RPL4: variants seen among roughly 807,000 people sequenced by gnomAD.
RPL4 encodes the protein ribosomal protein L4.
In RPL4, 3 loss-of-function variants were observed where a neutral mutation model predicts 47.7. The ratio of observed to expected loss-of-function variants is 0.06; its 90% CI spans 0.03 to 0.16. The LOEUF is 0.16. Among genes scored for constraint, RPL4 ranks in the 10% least tolerant of loss-of-function variants. The pLI is 1.00. For synonymous variants in RPL4, 208 were observed against 182.1 expected (o/e 1.14, Z -1.15); for missense variants, 413 against 551.3 (o/e 0.75, Z 2.51).
At chr15:66,504,372 A>G (rs955310685) in intron 1 of RPL4, among the ~76,000 whole-genome samples, 1 of 152,194 alleles carries the variant, frequency 6.6e-6, no homozygotes, top group Non-Finnish European at 1.5e-5. Context: ...CACATATAAC[A>G]CTGGTCTTAT....
At chr15:66,500,424 G>T in intron 7 of RPL4, 48 bp from the exon 8 acceptor site, 1 of 1,500,160 alleles carries the variant, frequency 6.7e-7, no homozygotes, top group South Asian at 1.1e-5. Flanking sequence ...ATCAACCAAA[G>T]AACAGGAAGC....
At chr15:66,503,637 T>G (rs1365077011) in intron 1 of RPL4, 108 bp from the exon 2 acceptor site, 6 of 1,264,422 alleles carry the variant, frequency 4.7e-6, no homozygotes, top group Non-Finnish European at 6.4e-6. Context: ...GAGACTGGTA[T>G]GGTGAGGCAA....
chr15:66,501,744 G>A (rs920148615), intron 5 of RPL4, 44 bp downstream of exon 5: 2 of 1,598,580 alleles, frequency 1.3e-6, no homozygotes, highest in South Asian at 1.1e-5. Context: ...GTGACAAACT[G>A]TGAACAAGGA....
rs1206081227 is a variant in RPL4, at chr15:66,499,788, C to T, written c.1039-136G>A. 7.3e-6 allele frequency: 9 copies of T among 1,238,338 alleles called. No individual in the cohort carries two copies. The East Asian group carries it at 2.2e-4, about 31-fold the overall frequency. The allele number at this position is 1,238,338 out of a possible 1,614,324, so 76.7% of individuals were successfully genotyped here. On this transcript the variant is annotated intron_variant, in intron 9 of 9. Transcript: ENST00000307961. ...CCTGTAATCCCAGCACTTTGGGAGG[C>T]CGAGGCAGGTGAATCACCTGAGGTC...
chr15:66,501,702 A>C (rs1206023902), intron 5 of RPL4, 86 bp downstream of exon 5: 3 of 1,562,834 alleles, frequency 1.9e-6, no homozygotes, highest in Non-Finnish European at 2.6e-6. Context: ...ATTAAGGATT[A>C]GCTATACTGC....
chr15:66,501,694 T>C, intron 5 of RPL4, 94 bp downstream of exon 5: 2 of 1,550,522 alleles, frequency 1.3e-6, no homozygotes, highest in East Asian at 4.5e-5. Context: ...TCTCACACAT[T>C]AAGGATTAGC....
At position 66,502,713 on chromosome 15, in the gene RPL4, G is replaced by T. The variant is rs1233560886; in HGVS notation, c.320C>A (p.Thr107Asn). The T allele has an allele frequency of 1.9e-6, 3 of 1,613,936 alleles. No individual in the cohort carries two copies. The highest frequency in any genetic ancestry group is 2.5e-6 in the Non-Finnish European group (3 of 1,179,976). Residue 107 changes from threonine (T) to asparagine (N), a missense_variant, in exon 4 of 10, where the codon ACC (threonine) becomes AAC (asparagine). Around this residue, in one of 4 missense-constraint regions of RPL4, gnomAD observed 214 missense variants for 304.2 expected, o/e 0.70. Transcript: ENST00000307961. ...CACTCTACGATGCCAACGGCGCCAG[G>T]TTTTGGTTGGTGCAAACATTCGGCC... Reference protein sequence around the residue: ...RGGRMFAPTKTWRRWHRRVNT... With the variant: ...RGGRMFAPTKNWRRWHRRVNT...
rs1567034037 is a variant in RPL4, at chr15:66,500,196, G to GT, written c.918-21dup. 3 of 1,613,776 alleles carry GT rather than the reference G, an allele frequency of 1.9e-6. No homozygotes were observed. Among genetic ancestry groups the GT allele is most frequent in the South Asian group, 1.1e-5 (1 of 91,018 alleles). ...TTCTTGCTATAAAAAAGCAGATACT[G>GT]TATCAACATTTTACTTAACATTATA... is the stretch of plus-strand genomic sequence containing the variant. On this transcript the variant is annotated intron_variant, in intron 8 of 9. Coordinates refer to ENST00000307961, the MANE Select transcript of RPL4 (RefSeq NM_000968.4).
Position 66,499,110 on chromosome 15 carries a change from G to A in RPL4, c.*297C>T. The A allele has an allele frequency of 3.5e-6, 1 of 284,598 alleles. No individual in the cohort carries two copies. The highest frequency in any genetic ancestry group is 8.0e-5 in the East Asian group (1 of 12,490). The allele number at this position is 284,598 out of a possible 1,614,324, so 17.6% of individuals were successfully genotyped here. A position where few individuals can be genotyped will look rare whatever the true frequency, so the allele number is the denominator to read the frequency against. On this transcript the variant is annotated 3_prime_UTR_variant, in exon 10 of 10. Coordinates refer to ENST00000307961, the MANE Select transcript of RPL4 (RefSeq NM_000968.4). ...GAACAGCCTCTGCGTTTCTGACCAA[G>A]TCCTGTTACACCTATTTTTCAAGCC...
At chr15:66,502,953 C>CA (rs759103415) in intron 3 of RPL4, 105 bp downstream of exon 3, 61 of 1,337,224 alleles carry the variant, frequency 4.6e-5, no homozygotes, top group Admixed American at 9.0e-5. Context: ...CTCTTCAAGA[C>CA]AAAAAAAAGT....
In RPL4 at chr15:66,499,262, A is replaced by G; in HGVS notation, c.*145T>C. 1 of 1,006,596 alleles carries G rather than the reference A, an allele frequency of 9.9e-7. No homozygotes were observed. The allele number at this position is 1,006,596 out of a possible 1,614,324, so 62.4% of individuals were successfully genotyped here. ...AAATGTAACAGTCTAAATTATGGCC[A>G]ACAAAATGTCACTTTAAAAAAATTC... On this transcript the variant is annotated 3_prime_UTR_variant, in exon 10 of 10. Transcript: ENST00000307961.
chr15:66,503,476 G>C lies in RPL4; in HGVS notation c.57C>G (p.Gly19=). The change falls in exon 2 of 10, where the codon GGC becomes GGG. Residue 19 remains glycine (G), a synonymous_variant. Coordinates refer to ENST00000307961, the MANE Select transcript of RPL4 (RefSeq NM_000968.4). ...ATACAGCAGGCAAAGTGACATTTTT[G>C]CCAGATGACTCCCCCTTTTCGGAGT... is the stretch of plus-strand genomic sequence containing the variant. ...SVYSEKGESS[G]KNVTLPAVFK... 1.9e-6 allele frequency: 3 copies of C among 1,611,264 alleles called. No homozygotes were observed. Among genetic ancestry groups the C allele is most frequent in the Non-Finnish European group, 2.5e-6 (3 of 1,177,682 alleles).
rs561348692 is a variant in RPL4 at position 66,500,159 on chromosome 15, C to T, written c.935G>A (p.Arg312Lys). The stretch of plus-strand genomic sequence containing the variant: ...TTTCAGTGGGTTCTTCTTTAGGACT[C>T]TGCGATGGATCTTCTTGCTATAAAA... ...LRAPRKKIHR[R>K]VLKKNPLKNL... is the part of the protein sequence containing the mutation. The change falls in exon 9 of 10, where the codon AGA (arginine) becomes AAA (lysine). Residue 312 changes from arginine (R) to lysine (K), a missense_variant. Physicochemically the swap from Arg to Lys is conservative, Grantham distance 26 (BLOSUM62 2). Coordinates refer to ENST00000307961, the MANE Select transcript of RPL4 (RefSeq NM_000968.4). 5 of 1,613,824 alleles carry T rather than the reference C, an allele frequency of 3.1e-6. No homozygotes were observed. The South Asian group carries it at 5.5e-5, about 18-fold the overall frequency.
At chr15:66,501,333 T>C (rs755353155) in intron 6 of RPL4, 42 bp downstream of exon 6, 1 of 1,613,406 alleles carries the variant, frequency 6.2e-7, no homozygotes. Flanking sequence ...TGAGTAGACT[T>C]GCAGAGTATA....
chr15:66,500,006 G>A (rs1334082137), intron 9 of RPL4, 50 bp downstream of exon 9: 2 of 1,606,438 alleles, frequency 1.2e-6, no homozygotes, highest in Admixed American at 1.7e-5. Flanking sequence ...CTGGGTGACA[G>A]AGCGAGATTC....
At chr15:66,500,245 C>G (rs1429828058) in intron 8 of RPL4, 48 bp downstream of exon 8, 1 of 1,613,274 alleles carries the variant, frequency 6.2e-7, no homozygotes, top group Admixed American at 1.7e-5. Flanking sequence ...TTGAAACAAC[C>G]AATAGTATAG....
Position 66,504,821 on chromosome 15 carries a change from C to G in RPL4, c.-31G>C. On this transcript the variant is annotated 5_prime_UTR_variant, in exon 1 of 10. Transcript: ENST00000307961. ...AGAGAGGAGACAGCCACGCTCCTCT[C>G]AGCCCGGCTGCTGCCACAGGAAAAG... 1 of 1,609,806 alleles carries G rather than the reference C, an allele frequency of 6.2e-7. No homozygotes were observed. The highest frequency in any genetic ancestry group is 8.5e-7 in the Non-Finnish European group (1 of 1,178,726).
intron 2 of RPL4, 69 bp from the exon 3 acceptor site, chr15:66,503,233 G>C: frequency 1.3e-6 from 2 of 1,582,544 alleles, no homozygotes; most frequent in South Asian, 2.2e-5. Flanking sequence ...TATTATGCAT[G>C]GTAGCAAACA....
chr15:66,502,044 ATG>A (rs780319924), intron 4 of RPL4, 132 bp from the exon 5 acceptor site: 6 of 1,207,810 alleles, frequency 5.0e-6, no homozygotes, highest in African/African-American at 1.5e-5. Flanking sequence ...CACAAATATC[ATG>A]TGTTTCAGAA....
Sources: allele counts gnomAD v4.1 joint callset (sites outside exome capture counted in the v4.1 genomes callset), GRCh38; gene constraint gnomAD v4.1.1; regional missense constraint gnomAD v4.1.1; transcripts MANE v1.5; gene names NCBI Gene and HGNC (gene_info 2026-07-23, HGNC 2026-07-21).